The following ORC3 variants were observed in gnomAD, a reference collection of about 807,000 sequenced individuals.
ORC3 encodes origin recognition complex subunit 3, also known as homolog of latheo, Drosophila.
In ORC3, 78 loss-of-function variants were observed where a neutral mutation model predicts 100.7. That is an observed-to-expected ratio of 0.77 (90% CI 0.65 to 0.94). The LOEUF (loss-of-function observed/expected upper bound fraction) is 0.94. ORC3 is among the 40% of genes least tolerant of loss of function. The pLI is 0.00. For missense variants in ORC3, 789 were observed against 823.9 expected, an observed-to-expected ratio of 0.96 and a Z score of 0.52; for synonymous variants, 295 against 289.3, an observed-to-expected ratio of 1.02 and a Z score of -0.20.
At chr6:87,673,133 G>A in the ORC3 span, among the ~76,000 whole-genome samples, 1 of 146,380 alleles carries the variant, frequency 6.8e-6, no homozygotes, top group Non-Finnish European at 1.5e-5. Context: ...CAGAAATTTG[G>A]CTGTGGAGCA....
chr6:87,669,893 G>A (rs550968123), downstream of ORC3, among the ~76,000 whole-genome samples: 46 of 152,308 alleles, frequency 3.0e-4, no homozygotes, highest in African/African-American at 9.6e-4. Flanking sequence ...ATGCATATGA[G>A]CACCAGATAA....
intron 7 of ORC3, chr6:87,609,523 A>C: frequency 7.9e-5 from 17 of 214,408 alleles, no homozygotes; most frequent in East Asian, 1.0e-4. Context: ...TAAATAGATA[A>C]ACTACTCCAG....
chr6:87,654,566 C>T (rs897591651), intron 14 of ORC3, among the ~76,000 whole-genome samples: 3 of 152,208 alleles, frequency 2.0e-5, no homozygotes, highest in East Asian at 3.8e-4. Context: ...GCACTCAGAC[C>T]AGAGCCCATC....
chr6:87,667,167 GA>G lies in ORC3; in HGVS notation c.*49del. Reference sequence around the variant, plus strand: ...CAGAACTATCACATTTAGCTTAAGAGAAAAAGGTGACCAGTCATATTTACAT... The same window carrying G: ...CAGAACTATCACATTTAGCTTAAGAGAAAAGGTGACCAGTCATATTTACAT... On this transcript the variant is annotated 3_prime_UTR_variant, in exon 20 of 20. Transcript: ENST00000392844. 7 of 1,173,094 alleles carry G rather than the reference GA, an allele frequency of 6.0e-6. No individual in the cohort carries two copies. Among genetic ancestry groups the G allele is most frequent in the South Asian group, 2.6e-5 (2 of 76,170 alleles). The allele number at this position is 1,173,094 out of a possible 1,614,324, so 72.7% of individuals were successfully genotyped here. A position where few individuals can be genotyped will look rare whatever the true frequency, so the allele number is the denominator to read the frequency against.
chr6:87,631,043 A>ATTTT (rs11414874), intron 11 of ORC3, among the ~76,000 whole-genome samples: 2 of 136,568 alleles, frequency 1.5e-5, no homozygotes, highest in African/African-American at 2.8e-5. Context: ...GCTAATTTAA[A>ATTTT]TTTTTTTTTT....
chr6:87,590,277 TC>T, intron 1 of ORC3, 85 bp downstream of exon 1: 1 of 1,416,810 alleles, frequency 7.1e-7, no homozygotes, highest in Non-Finnish European at 1.0e-6. Context: ...TACGTAGGCA[TC>T]CCTTCCCTGG....
At chr6:87,600,194 C>T (rs1450231052) in intron 2 of ORC3, among the ~76,000 whole-genome samples, 1 of 152,112 alleles carries the variant, frequency 6.6e-6, no homozygotes, top group Non-Finnish European at 1.5e-5. Context: ...TATCAGTTAA[C>T]ATTAAAACTT....
chr6:87,653,834 C>G (rs903881041), intron 14 of ORC3, among the ~76,000 whole-genome samples: 2 of 152,168 alleles, frequency 1.3e-5, no homozygotes, highest in African/African-American at 4.8e-5. Context: ...TACAGTTTCT[C>G]TCTTTTGCTT....
chr6:87,626,891 T>A (rs2128270679), intron 11 of ORC3, among the ~76,000 whole-genome samples: 1 of 152,084 alleles, frequency 6.6e-6, no homozygotes, highest in South Asian at 2.1e-4. Context: ...TGAAAACAAA[T>A]ATAATGATAA....
chr6:87,601,356 A>G (rs1172418432), intron 2 of ORC3, among the ~76,000 whole-genome samples: 2 of 152,172 alleles, frequency 1.3e-5, no homozygotes, highest in African/African-American at 2.4e-5. Flanking sequence ...CTGTCCCCAA[A>G]TATATGTTTT....
chr6:87,676,547 A>C, the ORC3 span, among the ~76,000 whole-genome samples: 1 of 146,160 alleles, frequency 6.8e-6, no homozygotes, highest in African/African-American at 2.6e-5. Context: ...ATGAGGTCAG[A>C]AGATCAAAGC....
chr6:87,615,107 A>T (rs1407187256), intron 8 of ORC3, among the ~76,000 whole-genome samples: 1 of 152,222 alleles, frequency 6.6e-6, no homozygotes, highest in African/African-American at 2.4e-5. Context: ...GGCCTCAATC[A>T]TGGTGGAAGG....
chr6:87,665,201 T>C (rs1770501320), intron 18 of ORC3, among the ~76,000 whole-genome samples: 1 of 152,202 alleles, frequency 6.6e-6, no homozygotes. Context: ...AAATAAAGTA[T>C]ATTATTAACT....
At chr6:87,595,570 C>T (rs181558604) in intron 2 of ORC3, 2 of 152,236 alleles carry the variant, frequency 1.3e-5, no homozygotes, top group Admixed American at 6.5e-5. Flanking sequence ...TCCAAGTGGC[C>T]CAGATTTCCT....
In ORC3 at chr6:87,663,043, G is replaced by T; in HGVS notation, c.1732G>T (p.Val578Leu). 1 of 1,612,948 alleles carries T rather than the reference G, an allele frequency of 6.2e-7. No homozygotes were observed. The highest frequency in any genetic ancestry group is 8.5e-7 in the Non-Finnish European group (1 of 1,179,208). ...LPPETQPLHEVVYFSAAHALR... is the reference protein window; with the variant it reads ...LPPETQPLHELVYFSAAHALR... ...TCCTGAGACACAGCCTCTCCATGAG[G>T]TGGTGTACTTCAGTGCTGCCCATGC... The change falls in exon 17 of 20, where the codon GTG becomes TTG. Residue 578 changes from valine to leucine, a missense_variant. By Grantham distance (32) the Val-to-Leu change is conservative (BLOSUM62 1). Coordinates refer to ENST00000392844, the MANE Select transcript of ORC3 (RefSeq NM_012381.4).
intron 13 of ORC3, among the ~76,000 whole-genome samples, chr6:87,637,301 T>A (rs1767902293): frequency 6.6e-6 from 1 of 152,212 alleles, no homozygotes; most frequent in Non-Finnish European, 1.5e-5. Flanking sequence ...CTGAAAGCAC[T>A]TCAAGTCCAG....
chr6:87,605,945 A>G lies in ORC3; in HGVS notation c.351A>G (p.Thr117=). 6.2e-7 allele frequency: 1 copy of G among 1,605,090 alleles called. No individual in the cohort carries two copies. Among genetic ancestry groups the G allele is most frequent in the Non-Finnish European group, 8.5e-7 (1 of 1,172,086 alleles). ...TGAATGTCACAGATCATGATTTGAC[A>G]TTCGGAAGTCTAACAGAGGCCCTTC... ...LGVNVTDHDL[T]FGSLTEALQN... The change falls in exon 5 of 20, where the codon ACA becomes ACG. Residue 117 remains threonine, a synonymous_variant. Coordinates refer to ENST00000392844, the MANE Select transcript of ORC3 (RefSeq NM_012381.4).
the ORC3 span, chr6:87,676,026 G>C: frequency 2.9e-6 from 3 of 1,044,306 alleles, no homozygotes; most frequent in Non-Finnish European, 4.3e-6. Context: ...ACAATTCTAA[G>C]TTGACAAAAT....
At chr6:87,603,851 T>A (rs1039502610) in intron 4 of ORC3, among the ~76,000 whole-genome samples, 3 of 152,238 alleles carry the variant, frequency 2.0e-5, no homozygotes, top group African/African-American at 7.2e-5. Context: ...GATTTGGTAA[T>A]AAAGAAACTA....
Sources: allele counts gnomAD v4.1 joint callset (sites outside exome capture counted in the v4.1 genomes callset), GRCh38; gene constraint gnomAD v4.1.1; transcripts MANE v1.5; gene names NCBI Gene and HGNC (gene_info 2026-07-23, HGNC 2026-07-21).